Variants in FBXO34 observed in about 807,000 individuals in gnomAD.
The protein encoded by FBXO34 is F-box protein 34, also known as F-box only protein 34.
In FBXO34, 12 loss-of-function variants were observed where a neutral mutation model predicts 24.5. That is an observed-to-expected ratio of 0.49 (90% CI 0.31 to 0.79). FBXO34 has a LOEUF of 0.79. FBXO34 is among the 30% of genes least tolerant of loss of function. The pLI is 0.04. For missense variants in FBXO34, 823 were observed against 857.7 expected (o/e 0.96, Z 0.51); for synonymous variants, 320 against 311.9 (o/e 1.03, Z -0.27).
chr14:55,289,518 T>G (rs1161955839), intron 1 of FBXO34, among the ~76,000 whole-genome samples: 1 of 152,138 alleles, frequency 6.6e-6, no homozygotes, highest in Non-Finnish European at 1.5e-5. Flanking sequence ...ATTCTTTCTT[T>G]CTATGTATGT....
intron 1 of FBXO34, among the ~76,000 whole-genome samples, chr14:55,289,914 C>T (rs376583084): frequency 1.3e-5 from 2 of 151,442 alleles, no homozygotes; most frequent in African/African-American, 4.8e-5. Flanking sequence ...TTGCTTTTTT[C>T]ACCTAACAGT....
At chr14:55,336,870 A>ACG (rs774319696) in intron 1 of FBXO34, among the ~76,000 whole-genome samples, 3 of 143,618 alleles carry the variant, frequency 2.1e-5, no homozygotes, top group African/African-American at 7.7e-5. Flanking sequence ...ACATGCACGC[A>ACG]CACACACACA....
At chr14:55,281,004 C>T (rs545075665) in intron 1 of FBXO34, among the ~76,000 whole-genome samples, 48 of 152,106 alleles carry the variant, frequency 3.2e-4, no homozygotes, top group African/African-American at 1.1e-3. Flanking sequence ...TTAAAAAATA[C>T]GTTAACACAA....
At chr14:55,298,778 C>A in intron 1 of FBXO34, 4 of 1,589,678 alleles carry the variant, frequency 2.5e-6, no homozygotes, top group Admixed American at 1.7e-5. Flanking sequence ...AGCAGAGGCA[C>A]GGCACCAAAA....
At chr14:55,382,606 C>A in the FBXO34 span, among the ~76,000 whole-genome samples, 1 of 152,290 alleles carries the variant, frequency 6.6e-6, no homozygotes, top group South Asian at 2.1e-4. Context: ...CTACCGTGAC[C>A]AGCCAAAGTG....
downstream of FBXO34, among the ~76,000 whole-genome samples, chr14:55,357,108 ATG>A (rs1884533948): frequency 6.6e-6 from 1 of 152,130 alleles, no homozygotes; most frequent in Non-Finnish European, 1.5e-5. Context: ...GCCATAGCTG[ATG>A]TTTGCACAAC....
chr14:55,434,145 GA>G, the FBXO34 span, among the ~76,000 whole-genome samples: 1 of 151,970 alleles, frequency 6.6e-6, no homozygotes, highest in East Asian at 1.9e-4. Context: ...AATCTTTTGG[GA>G]AAAAAATAAG....
chr14:55,278,866 T>C (rs1295274081), intron 1 of FBXO34, among the ~76,000 whole-genome samples: 2 of 152,184 alleles, frequency 1.3e-5, no homozygotes, highest in African/African-American at 4.8e-5. Flanking sequence ...TTTAAATTTT[T>C]TGTAGAGATG....
chr14:55,340,555 A>AT (rs113584663), intron 1 of FBXO34, among the ~76,000 whole-genome samples: 1,700 of 149,624 alleles, frequency 0.011, 14 homozygotes, highest in Middle Eastern at 0.027. Flanking sequence ...CTGGCTCGTA[A>AT]TTTTTATTTT....
chr14:55,312,619 G>A (rs1325199623), intron 1 of FBXO34, among the ~76,000 whole-genome samples: 1 of 152,246 alleles, frequency 6.6e-6, no homozygotes, highest in Non-Finnish European at 1.5e-5. Context: ...TCTAGGTGGA[G>A]GTTCTCAAAC....
intron 1 of FBXO34, among the ~76,000 whole-genome samples, chr14:55,347,283 C>T (rs1386367172): frequency 6.6e-6 from 1 of 152,164 alleles, no homozygotes; most frequent in Admixed American, 6.5e-5. Flanking sequence ...TGGGAAAGTG[C>T]CACCATCTGT....
intron 1 of FBXO34, among the ~76,000 whole-genome samples, chr14:55,305,894 G>A (rs1416455712): frequency 3.9e-5 from 6 of 152,180 alleles, no homozygotes; most frequent in African/African-American, 1.4e-4. Context: ...CATTGTTGAG[G>A]CTGGTTTTTC....
intron 1 of FBXO34, chr14:55,318,274 A>G (rs1883000017): frequency 6.8e-6 from 1 of 147,786 alleles, no homozygotes; most frequent in African/African-American, 2.5e-5. Flanking sequence ...AAATAGGTAA[A>G]TAACTTAAAC....
chr14:55,440,308 G>A, the FBXO34 span: 1 of 1,496,158 alleles, frequency 6.7e-7, no homozygotes, highest in African/African-American at 1.4e-5. Flanking sequence ...TGGTCGCTAT[G>A]AGTTTTAAGA....
the FBXO34 span, among the ~76,000 whole-genome samples, chr14:55,415,263 G>A: frequency 7.9e-5 from 12 of 152,104 alleles, no homozygotes; most frequent in African/African-American, 2.4e-4. Flanking sequence ...GAAGAAAGGA[G>A]GATAATGAAA....
At chr14:55,333,022 C>T (rs982265044) in intron 1 of FBXO34, among the ~76,000 whole-genome samples, 1 of 152,146 alleles carries the variant, frequency 6.6e-6, no homozygotes, top group Non-Finnish European at 1.5e-5. Context: ...TTCCTTCCAG[C>T]TCAGGTGCTG....
At chr14:55,440,495 G>A in the FBXO34 span, 9 of 1,612,416 alleles carry the variant, frequency 5.6e-6, no homozygotes, top group South Asian at 8.8e-5. Flanking sequence ...AAGAGGGTAA[G>A]CGCGGAGCGA....
At chr14:55,316,008 T>A (rs1882914762) in intron 1 of FBXO34, among the ~76,000 whole-genome samples, 1 of 152,178 alleles carries the variant, frequency 6.6e-6, no homozygotes, top group Non-Finnish European at 1.5e-5. Context: ...TTTTTCTCCT[T>A]TTCTATTGCG....
intron 1 of FBXO34, among the ~76,000 whole-genome samples, chr14:55,300,393 C>T (rs1335825563): frequency 6.6e-6 from 1 of 152,106 alleles, no homozygotes; most frequent in African/African-American, 2.4e-5. Flanking sequence ...GAGTTCCAGA[C>T]CAGCGTGGCC....
Sources: allele counts gnomAD v4.1 joint callset (sites outside exome capture counted in the v4.1 genomes callset), GRCh38; gene constraint gnomAD v4.1.1; transcripts MANE v1.5; gene names NCBI Gene and HGNC (gene_info 2026-07-23, HGNC 2026-07-21).